FGD6: variants seen among roughly 807,000 people sequenced by gnomAD.
FGD6 encodes the protein FYVE, RhoGEF and PH domain-containing protein 6.
A neutral mutation model predicts 149.4 loss-of-function variants in FGD6; 90 were observed. That is an observed-to-expected ratio of 0.60 (90% CI 0.51 to 0.72). The LOEUF (loss-of-function observed/expected upper bound fraction) is 0.72, where lower values mean the gene tolerates loss of function less well. Ranked by LOEUF, FGD6 falls within the 30% of genes least tolerant of loss-of-function variation. FGD6 has a pLI of 0.00. For synonymous variants in FGD6, 527 were observed against 584.0 expected (o/e 0.90, Z 1.41); for missense variants, 1,437 against 1,684.8 (o/e 0.85, Z 2.57).
chr12:95,104,022 A>G (rs1878530960), intron 14 of FGD6, among the ~76,000 whole-genome samples: 1 of 152,238 alleles, frequency 6.6e-6, no homozygotes, highest in Admixed American at 6.5e-5. Flanking sequence ...TAACCTATAA[A>G]GCACTAGTTG....
chr12:95,122,632 C>A (rs981486823), intron 8 of FGD6, among the ~76,000 whole-genome samples: 1 of 107,904 alleles, frequency 9.3e-6, no homozygotes, highest in Non-Finnish European at 1.7e-5. Context: ...GGCAACAGAG[C>A]GAGACTCAGT....
At chr12:95,216,669 C>CAAAAAAAAAAAA (rs143881424) in intron 1 of FGD6, among the ~76,000 whole-genome samples, 4 of 88,756 alleles carry the variant, frequency 4.5e-5, no homozygotes, top group Non-Finnish European at 6.3e-5. Flanking sequence ...TGCAGACAAG[C>CAAAAAAAAAAAA]AAAAAAAAAA....
rs199544746 is a variant in FGD6 at position 95,089,703 on chromosome 12, C to G, written c.3851-7G>C. 2.5e-6 allele frequency: 4 copies of G among 1,612,492 alleles called. No homozygotes were observed. In the African/African-American group the frequency reaches 4.0e-5, roughly 16 times the overall value. On this transcript the variant is annotated splice_polypyrimidine_tract_variant and splice_region_variant and intron_variant, in intron 17 of 20. Coordinates refer to ENST00000343958, the MANE Select transcript of FGD6 (RefSeq NM_018351.4). ...CTAGGGGAGTGCTGGTGATCTAGAA[C>G]AAATCAGGCATGCTTATGTAGGCAA...
At chr12:95,145,750 C>CTGCAACCTT (rs1879996537) in intron 5 of FGD6, among the ~76,000 whole-genome samples, 1 of 152,130 alleles carries the variant, frequency 6.6e-6, no homozygotes. Flanking sequence ...TCTCGGCTCA[C>CTGCAACCTT]TGCAACCTCT....
rs1409818785 is a variant in FGD6, at chr12:95,209,326, T to C, written c.1958A>G (p.Gln653Arg). 6.2e-7 allele frequency: 1 copy of C among 1,613,336 alleles called. No individual in the cohort carries two copies. The highest frequency in any genetic ancestry group is 1.3e-5 in the African/African-American group (1 of 74,870). Residue 653 changes from glutamine to arginine, a missense_variant, in exon 2 of 21, where the codon CAA becomes CGA. Gln to Arg is a conservative substitution (Grantham distance 43). This residue lies in a region of FGD6 where 1,055 missense variants were observed against 1,146.0 expected (regional missense o/e 0.92). Transcript: ENST00000343958. Reference sequence around the variant, plus strand: ...GTGGCCTGTGGTGGTGTCTCCGAGTTGGCTACTCTTGGACCAAAATTTTTG... The same window carrying C: ...GTGGCCTGTGGTGGTGTCTCCGAGTCGGCTACTCTTGGACCAAAATTTTTG... Reference protein sequence around the residue: ...DFQKFWSKSSQLGDTTTGHLS... With the variant: ...DFQKFWSKSSRLGDTTTGHLS...
chr12:95,115,576 G>A (rs1335208026), intron 8 of FGD6, among the ~76,000 whole-genome samples: 1 of 152,100 alleles, frequency 6.6e-6, no homozygotes, highest in African/African-American at 2.4e-5. Flanking sequence ...TATTTTAGTT[G>A]AGGTAAAAGG....
intron 5 of FGD6, 86 bp downstream of exon 5, chr12:95,152,725 G>A (rs1880346162): frequency 3.4e-6 from 4 of 1,170,444 alleles, no homozygotes; most frequent in South Asian, 1.4e-5. Context: ...CTATCATTAA[G>A]TTAGTAATGC....
At chr12:95,205,065 C>T (rs1475586502) in intron 2 of FGD6, among the ~76,000 whole-genome samples, 8 of 152,126 alleles carry the variant, frequency 5.3e-5, no homozygotes, top group African/African-American at 1.4e-4. Context: ...ACCAGGAGTT[C>T]GAGACTAGCC....
At chr12:95,202,022 T>C (rs946888016) in intron 2 of FGD6, among the ~76,000 whole-genome samples, 4 of 151,832 alleles carry the variant, frequency 2.6e-5, no homozygotes, top group Non-Finnish European at 5.9e-5. Flanking sequence ...CATACATTTT[T>C]GTAGTCTATA....
intron 14 of FGD6, among the ~76,000 whole-genome samples, chr12:95,102,465 A>AAAAAC: frequency 7.2e-6 from 1 of 138,568 alleles, no homozygotes; most frequent in Admixed American, 7.2e-5. Context: ...AAAAAAAAAA[A>AAAAAC]AACACAACAA....
chr12:95,126,270 C>T lies in FGD6; in HGVS notation c.3082+8469G>A, dbSNP rs951148670. 2.2e-6 allele frequency: 3 copies of T among 1,359,916 alleles called. No homozygotes were observed. In the African/African-American group the frequency reaches 4.3e-5, roughly 20 times the overall value. 84.2% of individuals were successfully genotyped at this position (1,359,916 alleles called of 1,614,324 possible). ...CGCTGTGGGCAAGAAGGCTCCAGCC[C>T]AGAAGGTTCCTGCCCAGAAAGCCAC... On this transcript the variant is annotated intron_variant, in intron 8 of 20. Coordinates refer to ENST00000343958, the MANE Select transcript of FGD6 (RefSeq NM_018351.4).
rs542676059 is a variant in FGD6, at chr12:95,204,584, C to T, written c.2441+4259G>A. Among the ~76,000 whole-genome samples, 5 of 152,298 alleles carry T rather than the reference C, an allele frequency of 3.3e-5. No individual in the cohort carries two copies. The East Asian group carries it at 9.6e-4, about 29-fold the overall frequency. ...CCTCATTCTTCCTTAGTCATCTCAT[C>T]CTTCCCACAAACCCTGGGGCCCCAG... is the stretch of plus-strand genomic sequence containing the variant. On this transcript the variant is annotated intron_variant, in intron 2 of 20. Coordinates refer to ENST00000343958, the MANE Select transcript of FGD6 (RefSeq NM_018351.4).
chr12:95,173,240 T>C (rs1881042798), intron 2 of FGD6, among the ~76,000 whole-genome samples: 1 of 152,212 alleles, frequency 6.6e-6, no homozygotes, highest in Non-Finnish European at 1.5e-5. Context: ...ACATGTACCC[T>C]GCTCTATGGT....
chr12:95,135,183 T>A (rs918636045), intron 7 of FGD6, among the ~76,000 whole-genome samples: 1 of 152,070 alleles, frequency 6.6e-6, no homozygotes, highest in Non-Finnish European at 1.5e-5. Context: ...CAAATCCCAA[T>A]GGACCAAGAA....
chr12:95,194,074 C>T (rs532007638), intron 2 of FGD6, among the ~76,000 whole-genome samples: 2 of 152,062 alleles, frequency 1.3e-5, no homozygotes, highest in African/African-American at 4.8e-5. Context: ...GCTAGGACTA[C>T]GGGCATGTAC....
chr12:95,205,956 C>T (rs551485683), intron 2 of FGD6, among the ~76,000 whole-genome samples: 1 of 152,186 alleles, frequency 6.6e-6, no homozygotes, highest in Non-Finnish European at 1.5e-5. Flanking sequence ...CTGTCCAAAG[C>T]CGCCCTGGTT....
chr12:95,101,778 G>A (rs1326912709), intron 14 of FGD6, among the ~76,000 whole-genome samples: 1 of 150,860 alleles, frequency 6.6e-6, no homozygotes, highest in African/African-American at 2.4e-5. Flanking sequence ...CACTTCCTGG[G>A]TTCAAGCAAT....
intron 2 of FGD6, among the ~76,000 whole-genome samples, chr12:95,180,099 T>C (rs1349775475): frequency 7.0e-6 from 1 of 141,996 alleles, no homozygotes; most frequent in Non-Finnish European, 1.5e-5. Context: ...AAAAAGGAGG[T>C]AGATCTATGC....
chr12:95,083,972 G>GT (rs567427129), intron 20 of FGD6, among the ~76,000 whole-genome samples: 1 of 152,332 alleles, frequency 6.6e-6, no homozygotes, highest in South Asian at 2.1e-4. Flanking sequence ...TGAGGAGACT[G>GT]TTTCAGCCTT....
Sources: gnomAD v4.1 joint callset for allele counts (sites outside exome capture counted in the v4.1 genomes callset) on GRCh38, gnomAD v4.1.1 for gene constraint, gnomAD v4.1.1 regional missense constraint, MANE v1.5 for transcripts, NCBI Gene and HGNC (gene_info 2026-07-23, HGNC 2026-07-21) for gene names.